Variants in ADK observed in about 807,000 individuals in gnomAD.
ADK encodes N6,N6-dimethyladenosine kinase.
In ADK, 24 loss-of-function variants were observed where a neutral mutation model predicts 44.7. That is an observed-to-expected ratio of 0.54 (90% CI 0.39 to 0.76). The LOEUF (loss-of-function observed/expected upper bound fraction) is 0.76. ADK is among the 30% of genes least tolerant of loss of function. ADK has a pLI of 0.00. For missense variants in ADK, 321 were observed against 425.1 expected, an observed-to-expected ratio of 0.76 and a Z score of 2.15; for synonymous variants, 128 against 142.6, an observed-to-expected ratio of 0.90 and a Z score of 0.73.
At chr10:74,414,396 T>C (rs1844293968) in intron 6 of ADK, among the ~76,000 whole-genome samples, 1 of 152,204 alleles carries the variant, frequency 6.6e-6, no homozygotes, top group Non-Finnish European at 1.5e-5. Flanking sequence ...ACTTCCACCT[T>C]AGTAGGGAGA....
At chr10:74,343,659 C>A (rs568326661) in intron 4 of ADK, among the ~76,000 whole-genome samples, 1 of 152,070 alleles carries the variant, frequency 6.6e-6, no homozygotes, top group African/African-American at 2.4e-5. Flanking sequence ...CCCAGGTTAG[C>A]GTGCAATGGC....
intron 7 of ADK, among the ~76,000 whole-genome samples, chr10:74,570,488 C>T (rs1850911640): frequency 6.6e-6 from 1 of 151,034 alleles, no homozygotes; most frequent in Non-Finnish European, 1.5e-5. Context: ...GAGGTCCCTC[C>T]TTGAAGAGGT....
chr10:74,292,696 A>T (rs1348229114), intron 3 of ADK, among the ~76,000 whole-genome samples: 1 of 151,940 alleles, frequency 6.6e-6, no homozygotes, highest in Non-Finnish European at 1.5e-5. Context: ...TATATCCCAC[A>T]TCTAATCCTT....
intron 3 of ADK, among the ~76,000 whole-genome samples, chr10:74,299,993 G>GA (rs1322323679): frequency 6.6e-6 from 1 of 151,594 alleles, no homozygotes; most frequent in Non-Finnish European, 1.5e-5. Context: ...AAATGGCTTT[G>GA]AAAATTAGCT....
At chr10:74,527,329 C>G (rs1336845756) in intron 7 of ADK, among the ~76,000 whole-genome samples, 1 of 151,860 alleles carries the variant, frequency 6.6e-6, no homozygotes, top group East Asian at 1.9e-4. Flanking sequence ...CCACTGCACT[C>G]CAGCCTGGAC....
intron 9 of ADK, among the ~76,000 whole-genome samples, chr10:74,640,740 A>G (rs1476187114): frequency 1.3e-5 from 2 of 152,250 alleles, no homozygotes; most frequent in East Asian, 3.8e-4. Context: ...GTGTGGCTGT[A>G]TTCCAATAAA....
intron 3 of ADK, among the ~76,000 whole-genome samples, chr10:74,236,460 C>T (rs1180685035): frequency 6.6e-6 from 1 of 152,124 alleles, no homozygotes; most frequent in African/African-American, 2.4e-5. Context: ...TGTTATAATA[C>T]AGTTTATTCA....
intron 9 of ADK, 103 bp from the exon 10 acceptor site, chr10:74,670,080 C>G (rs1285718282): frequency 1.1e-6 from 1 of 918,202 alleles, no homozygotes; most frequent in Non-Finnish European, 1.8e-6. Context: ...TCCTGTCTCT[C>G]TTTGAATGAT....
chr10:74,565,224 A>G (rs1207405528), intron 7 of ADK, among the ~76,000 whole-genome samples: 2 of 152,134 alleles, frequency 1.3e-5, no homozygotes, highest in African/African-American at 2.4e-5. Context: ...TCAAGTCACA[A>G]ATCTTCTAAT....
At chr10:74,659,739 G>A (rs929623911) in intron 9 of ADK, among the ~76,000 whole-genome samples, 1 of 152,184 alleles carries the variant, frequency 6.6e-6, no homozygotes, top group African/African-American at 2.4e-5. Flanking sequence ...ACGTTCCAGG[G>A]CAGGAAGCAT....
chr10:74,570,345 A>C lies in ADK; in HGVS notation c.727-18937A>C, dbSNP rs531572156. Among the ~76,000 whole-genome samples the C allele has an allele frequency of 2.1e-3, 327 of 152,308 alleles. 3 individuals are homozygous for C. The highest frequency in any genetic ancestry group is 7.6e-3 in the African/African-American group (316 of 41,562). On this transcript the variant is annotated intron_variant, in intron 7 of 10. Coordinates refer to ENST00000539909, the MANE Select transcript of ADK (RefSeq NM_006721.4). ...GGCAGTTTGATGGGGATGGCATTGA[A>C]TCTATAAATTACCTTGGGCAATATG...
At chr10:74,303,420 A>G (rs1421948775) in intron 3 of ADK, among the ~76,000 whole-genome samples, 2 of 152,028 alleles carry the variant, frequency 1.3e-5, no homozygotes, top group African/African-American at 4.8e-5. Context: ...TTTATCATCT[A>G]CCCTTCAGGC....
Position 74,429,533 on chromosome 10 carries a change from G to A in ADK, c.555+30954G>A, listed in dbSNP as rs1353549095. Among the ~76,000 whole-genome samples the A allele has an allele frequency of 2.0e-5, 3 of 152,120 alleles. No individual in the cohort carries two copies. The East Asian group carries it at 5.8e-4, about 29-fold the overall frequency. On this transcript the variant is annotated intron_variant, in intron 6 of 10. Coordinates refer to ENST00000539909, the MANE Select transcript of ADK (RefSeq NM_006721.4). ...ATAATTCATATCTGTTGTGGGAGTA[G>A]GGAAGAAAGAGATTTAAAAAATATC...
At chr10:74,647,565 G>A (rs2134117751) in intron 9 of ADK, among the ~76,000 whole-genome samples, 1 of 152,226 alleles carries the variant, frequency 6.6e-6, no homozygotes, top group Middle Eastern at 3.4e-3. Flanking sequence ...ACCTCAGGGA[G>A]CACACTTTTC....
intron 1 of ADK, among the ~76,000 whole-genome samples, chr10:74,188,343 A>ATTTTTTTTTTTTTT (rs765922880): frequency 9.8e-5 from 8 of 81,362 alleles, no homozygotes; most frequent in African/African-American, 2.0e-4. Flanking sequence ...TGTATTTTTA[A>ATTTTTTTTTTTTTT]TTTTTTTTTT....
intron 2 of ADK, among the ~76,000 whole-genome samples, chr10:74,215,908 G>A (rs551593173): frequency 8.6e-5 from 13 of 151,660 alleles, no homozygotes; most frequent in African/African-American, 2.7e-4. Flanking sequence ...CGCCCGTCTC[G>A]GCCTCCCAAA....
intron 4 of ADK, among the ~76,000 whole-genome samples, chr10:74,383,419 T>TCTCC (rs1843040321): frequency 6.6e-6 from 1 of 152,176 alleles, no homozygotes; most frequent in Admixed American, 6.5e-5. Context: ...TCTCTCTCTC[T>TCTCC]CTCTCTCTTT....
intron 7 of ADK, among the ~76,000 whole-genome samples, chr10:74,567,265 C>T (rs1428382064): frequency 6.6e-6 from 1 of 152,134 alleles, no homozygotes; most frequent in Non-Finnish European, 1.5e-5. Flanking sequence ...TTATGTTTAT[C>T]ACCTGTTTTT....
At chr10:74,432,793 G>A (rs910295520) in intron 6 of ADK, among the ~76,000 whole-genome samples, 1 of 152,172 alleles carries the variant, frequency 6.6e-6, no homozygotes, top group African/African-American at 2.4e-5. Flanking sequence ...AGCTGGTGGT[G>A]TGTCATCTTC....
Sources: allele counts gnomAD v4.1 joint callset (sites outside exome capture counted in the v4.1 genomes callset), GRCh38; gene constraint gnomAD v4.1.1; transcripts MANE v1.5; gene names NCBI Gene and HGNC (gene_info 2026-07-23, HGNC 2026-07-21).